CNN3: variants seen among roughly 807,000 people sequenced by gnomAD.
The protein encoded by CNN3 is calponin 3.
CNN3 carries 11 observed loss-of-function variants against 39.0 expected under a neutral mutation model. The ratio of observed to expected loss-of-function variants is 0.28; its 90% CI spans 0.18 to 0.47. CNN3 has a LOEUF of 0.47. Among genes scored for constraint, CNN3 ranks in the 20% least tolerant of loss-of-function variants. The pLI is 0.99. For missense variants in CNN3, 266 were observed against 403.4 expected (o/e 0.66, Z 2.92); for synonymous variants, 101 against 138.3 (o/e 0.73, Z 1.89).
chr1:94,925,388 T>G (rs1671549611), intron 1 of CNN3, among the ~76,000 whole-genome samples: 1 of 152,232 alleles, frequency 6.6e-6, no homozygotes, highest in Non-Finnish European at 1.5e-5. Context: ...AACTTTTCAG[T>G]TGGTGAGGTT....
intron 1 of CNN3, among the ~76,000 whole-genome samples, chr1:94,912,022 T>C (rs1671179385): frequency 1.3e-5 from 2 of 152,082 alleles, no homozygotes; most frequent in Middle Eastern, 3.4e-3. Context: ...GCCAAGATCA[T>C]GCCATTGCAC....
rs1000742598 is a variant in CNN3 at position 94,926,745 on chromosome 1, G to A, written c.57+93C>T. On this transcript the variant is annotated intron_variant, in intron 1 of 6. Transcript: ENST00000370206. The surrounding 1 kb of genome is among the most constrained non-coding windows in gnomAD (Gnocchi z 4.2). Reference sequence around the variant, plus strand: ...CGGCCCCTCTCCAGGAAAACGGTGAGCCACAGCGCGAAGAGCAAACGAAGC... The same window carrying A: ...CGGCCCCTCTCCAGGAAAACGGTGAACCACAGCGCGAAGAGCAAACGAAGC... The A allele has an allele frequency of 1.5e-5, 21 of 1,374,078 alleles. No individual in the cohort carries two copies. In the African/African-American group the frequency reaches 2.3e-4, roughly 15 times the overall value. 85.1% of individuals were successfully genotyped at this position (1,374,078 alleles called of 1,614,324 possible).
At chr1:94,912,452 G>A (rs774022562) in intron 1 of CNN3, among the ~76,000 whole-genome samples, 31 of 152,204 alleles carry the variant, frequency 2.0e-4, no homozygotes, top group Non-Finnish European at 3.5e-4. Flanking sequence ...ACTGGCTGAA[G>A]AGCCCGGCAG....
At chr1:94,898,122 T>C in intron 6 of CNN3, 39 bp from the exon 7 acceptor site, 1 of 1,525,284 alleles carries the variant, frequency 6.6e-7, no homozygotes, top group Non-Finnish European at 9.0e-7. Flanking sequence ...AAACAGCAGC[T>C]AGAATCTATT....
At chr1:94,905,773 C>G (rs9659040) in intron 1 of CNN3, among the ~76,000 whole-genome samples, 13,927 of 152,132 alleles carry the variant, frequency 0.092, 1,223 homozygotes, top group East Asian at 0.37. Context: ...GTTTTCCAGG[C>G]TAGTCTCAAA....
At chr1:94,915,898 GCGTTTT>G (rs1290977342) in intron 1 of CNN3, among the ~76,000 whole-genome samples, 1 of 152,134 alleles carries the variant, frequency 6.6e-6, no homozygotes, top group East Asian at 1.9e-4. Context: ...CATCAGTGCT[GCGTTTT>G]CATGGTCCTC....
In CNN3 at chr1:94,926,780, C is replaced by T; in HGVS notation, c.57+58G>A. 1 of 1,558,706 alleles carries T rather than the reference C, an allele frequency of 6.4e-7. No homozygotes were observed. Among genetic ancestry groups the T allele is most frequent in the Non-Finnish European group, 8.8e-7 (1 of 1,141,596 alleles). On this transcript the variant is annotated intron_variant, in intron 1 of 6. Transcript: ENST00000370206. The surrounding 1 kb of genome is among the most constrained non-coding windows in gnomAD (Gnocchi z 4.2). ...GAAGAGCAAACGAAGCACGGCCCAGCGCCAGGCCAGCCCAAGGGTGCCCCG... is the reference window on the plus strand; with the variant it reads ...GAAGAGCAAACGAAGCACGGCCCAGTGCCAGGCCAGCCCAAGGGTGCCCCG...
chr1:94,915,524 A>G (rs1285274422), intron 1 of CNN3, among the ~76,000 whole-genome samples: 3 of 152,200 alleles, frequency 2.0e-5, no homozygotes, highest in Non-Finnish European at 2.9e-5. Context: ...GCAATCTGAG[A>G]GCATGGATGA....
chr1:94,919,239 G>A (rs1349905338), intron 1 of CNN3, among the ~76,000 whole-genome samples: 1 of 152,182 alleles, frequency 6.6e-6, no homozygotes, highest in Non-Finnish European at 1.5e-5. Flanking sequence ...GAACCATTCA[G>A]GGGAAGGCAT....
At position 94,926,987 on chromosome 1, in the gene CNN3, G is replaced by C; in HGVS notation, c.-93C>G. The stretch of plus-strand genomic sequence containing the variant: ...CTGGCCCCGAGGAGTGGCCGCCGCG[G>C]GGGATGCTCGAACTCCCTCCTCTGG... On this transcript the variant is annotated 5_prime_UTR_variant, in exon 1 of 7. Coordinates refer to ENST00000370206, the MANE Select transcript of CNN3 (RefSeq NM_001839.5). This position sits in a 1 kb window ranked among gnomAD's most constrained non-coding sequence, Gnocchi z 4.2. 1 of 1,395,010 alleles carries C rather than the reference G, an allele frequency of 7.2e-7. No individual in the cohort carries two copies. Among genetic ancestry groups the C allele is most frequent in the Non-Finnish European group, 9.9e-7 (1 of 1,010,264 alleles). 86.4% of individuals were successfully genotyped at this position (1,395,010 alleles called of 1,614,324 possible). A position where few individuals can be genotyped will look rare whatever the true frequency, so the allele number is the denominator to read the frequency against.
chr1:94,903,975 G>C (rs1434414394), intron 1 of CNN3, among the ~76,000 whole-genome samples: 1 of 152,132 alleles, frequency 6.6e-6, no homozygotes, highest in Non-Finnish European at 1.5e-5. Context: ...TAGTTTTGTT[G>C]ACTGGAAAGT....
At chr1:94,919,277 GC>G (rs771309409) in intron 1 of CNN3, among the ~76,000 whole-genome samples, 4 of 152,196 alleles carry the variant, frequency 2.6e-5, no homozygotes, top group Non-Finnish European at 5.9e-5. Flanking sequence ...CTAAAGAGCA[GC>G]CCTAGGGTTC....
intron 1 of CNN3, among the ~76,000 whole-genome samples, chr1:94,920,868 C>T (rs545365798): frequency 1.3e-5 from 2 of 152,232 alleles, no homozygotes; most frequent in Admixed American, 6.5e-5. Context: ...ACTTCGTCCC[C>T]ACAAACAACC....
rs1670875329 is a variant in CNN3, at chr1:94,901,764, T to C, written c.406A>G (p.Thr136Ala). 1 of 1,613,724 alleles carries C rather than the reference T, an allele frequency of 6.2e-7. No individual in the cohort carries two copies. The highest frequency in any genetic ancestry group is 8.5e-7 in the Non-Finnish European group (1 of 1,179,768). ...TACTTAACTCCAATGTCAATGGTTG[T>C]ATGGAATCCTTTTGTTTTAGCCTAG... ...AGLAKTKGFH[T>A]TIDIGVKYAE... The change falls in exon 5 of 7, where the codon ACA becomes GCA. Residue 136 changes from threonine (T) to alanine (A), a missense_variant. Physicochemically the swap from Thr to Ala is moderately conservative, Grantham distance 58 (BLOSUM62 0). Coordinates refer to ENST00000370206, the MANE Select transcript of CNN3 (RefSeq NM_001839.5).
rs1571518070 is a variant in CNN3, at chr1:94,902,996, G to C, written c.246+126C>G. ...CACAAATTTCTGCTACAATGTCTAT[G>C]TAAAAACCGTAATCAAAAAGTTAAA... On this transcript the variant is annotated intron_variant, in intron 3 of 6. Transcript: ENST00000370206. 4.6e-6 allele frequency: 3 copies of C among 656,900 alleles called. No individual in the cohort carries two copies. In the East Asian group the frequency reaches 9.2e-5, roughly 20 times the overall value. 40.7% of individuals were successfully genotyped at this position (656,900 alleles called of 1,614,324 possible).
chr1:94,897,726 C>T lies in CNN3; in HGVS notation c.*16G>A. The stretch of plus-strand genomic sequence containing the variant: ...TAAAAACAAAGGACTAAATACTGAG[C>T]TCCTTCTGTGTGGATCTAATAATCA... On this transcript the variant is annotated 3_prime_UTR_variant, in exon 7 of 7. Coordinates refer to ENST00000370206, the MANE Select transcript of CNN3 (RefSeq NM_001839.5). 1 of 1,603,808 alleles carries T rather than the reference C, an allele frequency of 6.2e-7. No individual in the cohort carries two copies. Among genetic ancestry groups the T allele is most frequent in the Non-Finnish European group, 8.5e-7 (1 of 1,172,432 alleles).
At chr1:94,916,319 T>C (rs1007483789) in intron 1 of CNN3, among the ~76,000 whole-genome samples, 22 of 152,030 alleles carry the variant, frequency 1.4e-4, no homozygotes, top group African/African-American at 5.1e-4. Context: ...GGCAGGAGGA[T>C]TGCTTGAGCC....
rs996257862 is a variant in CNN3, at chr1:94,926,617, C to A, written c.57+221G>T. On this transcript the variant is annotated intron_variant, in intron 1 of 6. Transcript: ENST00000370206. This position sits in a 1 kb window ranked among gnomAD's most constrained non-coding sequence, Gnocchi z 4.2. The stretch of plus-strand genomic sequence containing the variant: ...ACCCACCGCCAGCCACTAGTCCTGT[C>A]CCACGGCGCGGGAACAAAGCCAGGC... Among the ~76,000 whole-genome samples, 9 of 152,128 alleles carry A rather than the reference C, an allele frequency of 5.9e-5. No homozygotes were observed. The highest frequency in any genetic ancestry group is 8.8e-5 in the Non-Finnish European group (6 of 68,004).
At chr1:94,922,419 A>G (rs1331820551) in intron 1 of CNN3, among the ~76,000 whole-genome samples, 1 of 152,232 alleles carries the variant, frequency 6.6e-6, no homozygotes, top group East Asian at 1.9e-4. Context: ...ATATTCAAAT[A>G]TTTATTGAGC....
Sources: gnomAD v4.1 joint callset for allele counts (sites outside exome capture counted in the v4.1 genomes callset) on GRCh38, gnomAD v4.1.1 for gene constraint, Gnocchi (gnomAD v3.1) non-coding constraint, MANE v1.5 for transcripts, NCBI Gene and HGNC (gene_info 2026-07-23, HGNC 2026-07-21) for gene names.